The following PIGL variants were observed in gnomAD, a reference collection of about 807,000 sequenced individuals.
PIGL encodes the protein N-acetylglucosaminyl-phosphatidylinositol de-N-acetylase.
A neutral mutation model predicts 31.1 loss-of-function variants in PIGL; 22 were observed. The ratio of observed to expected loss-of-function variants is 0.71; its 90% confidence interval spans 0.51 to 1.01. The LOEUF (loss-of-function observed/expected upper bound fraction) is 1.01. Among genes scored for constraint, PIGL ranks in the 50% least tolerant of loss-of-function variants. The probability of loss-of-function intolerance (pLI) is 0.00; values close to 1 mark genes in which losing one functional copy is unlikely to be tolerated. For missense variants in PIGL, 302 were observed against 315.9 expected, an observed-to-expected ratio of 0.96 and a Z score of 0.33; for synonymous variants, 131 against 117.4, an observed-to-expected ratio of 1.12 and a Z score of -0.75.
rs762056517 is a variant in PIGL, at chr17:16,217,264, T to C, written c.38T>C (p.Val13Ala). The change falls in exon 1 of 7, where the codon GTC (valine) becomes GCC (alanine). Residue 13 changes from valine (V) to alanine (A), a missense_variant. Val to Ala is a moderately conservative substitution (Grantham distance 64). Transcript: ENST00000225609. Reference sequence around the variant, plus strand: ...TGGCTCCTGTGTGTGGCGTTGGCGGTCTTGGCATGGGGCTTCCTCTGGGTT... The same window carrying C: ...TGGCTCCTGTGTGTGGCGTTGGCGGCCTTGGCATGGGGCTTCCTCTGGGTT... ...AMWLLCVALA[V>A]LAWGFLWVWD... 5 of 1,614,052 alleles carry C rather than the reference T, an allele frequency of 3.1e-6. No individual in the cohort carries two copies. Among genetic ancestry groups the C allele is most frequent in the Non-Finnish European group, 4.2e-6 (5 of 1,179,994 alleles).
At chr17:16,297,828 A>G (rs889867027) in intron 2 of PIGL, among the ~76,000 whole-genome samples, 5 of 152,118 alleles carry the variant, frequency 3.3e-5, no homozygotes, top group Non-Finnish European at 7.3e-5. Context: ...TCTGTAGAAA[A>G]CACCCTAAAG....
intron 3 of PIGL, among the ~76,000 whole-genome samples, chr17:16,311,820 T>A (rs527366749): frequency 6.6e-6 from 1 of 152,304 alleles, no homozygotes; most frequent in African/African-American, 2.4e-5. Context: ...AGAATTTTTC[T>A]TAGTACAGAA....
At chr17:16,237,623 A>G (rs1349571795) in intron 2 of PIGL, among the ~76,000 whole-genome samples, 1 of 150,986 alleles carries the variant, frequency 6.6e-6, no homozygotes, top group Non-Finnish European at 1.5e-5. Context: ...CAACGTGGTG[A>G]AACCCCGTCT....
intron 1 of PIGL, among the ~76,000 whole-genome samples, chr17:16,219,469 TTTC>T (rs2092615979): frequency 6.6e-6 from 1 of 152,216 alleles, no homozygotes; most frequent in African/African-American, 2.4e-5. Context: ...CCCAAGCACT[TTTC>T]TTCTAAAATT....
chr17:16,266,902 T>A (rs1453217404), intron 2 of PIGL, among the ~76,000 whole-genome samples: 1 of 46,356 alleles, frequency 2.2e-5, no homozygotes, highest in African/African-American at 1.0e-4. Flanking sequence ...TTGCTCTTTT[T>A]TTTTGGGGGG....
At chr17:16,264,599 CATTATTATTATT>C (rs67790275) in intron 2 of PIGL, among the ~76,000 whole-genome samples, 4,237 of 143,990 alleles carry the variant, frequency 0.029, 108 homozygotes, top group South Asian at 0.057. Context: ...AACACATCGT[CATTATTATTATT>C]ATTATTATTA....
chr17:16,304,482 G>T (rs1325461098), intron 3 of PIGL, among the ~76,000 whole-genome samples: 1 of 152,216 alleles, frequency 6.6e-6, no homozygotes, highest in East Asian at 1.9e-4. Flanking sequence ...AGCTGGGTGG[G>T]TGCAATGGCT....
chr17:16,297,233 A>G (rs979690858), intron 2 of PIGL, among the ~76,000 whole-genome samples: 2 of 152,158 alleles, frequency 1.3e-5, no homozygotes, highest in Non-Finnish European at 1.5e-5. Context: ...TCCCTAAATG[A>G]TTGGCCTCAC....
At chr17:16,312,587 T>G (rs1388384225) in intron 3 of PIGL, 1 of 165,632 alleles carries the variant, frequency 6.0e-6, no homozygotes, top group East Asian at 1.9e-4. Flanking sequence ...AGGTGGAGGT[T>G]GTAGCTAGCC....
intron 2 of PIGL, among the ~76,000 whole-genome samples, chr17:16,263,492 T>TG (rs1331503116): frequency 2.0e-5 from 3 of 151,092 alleles, no homozygotes; most frequent in African/African-American, 7.4e-5. Context: ...TTTGTTTTAT[T>TG]GGTTTTTTTT....
At chr17:16,248,099 G>C (rs568724737) in intron 2 of PIGL, among the ~76,000 whole-genome samples, 7 of 152,222 alleles carry the variant, frequency 4.6e-5, no homozygotes, top group African/African-American at 1.4e-4. Flanking sequence ...TGTTGGTCAG[G>C]CTGGTCCTGA....
intron 1 of PIGL, among the ~76,000 whole-genome samples, chr17:16,219,284 TCTC>T (rs1008355496): frequency 1.3e-5 from 2 of 151,708 alleles, no homozygotes; most frequent in Non-Finnish European, 2.9e-5. Context: ...ATGGTCTTGA[TCTC>T]CTGAACTTTT....
At chr17:16,302,802 G>GC (rs2093010506) in intron 3 of PIGL, among the ~76,000 whole-genome samples, 1 of 4,120 alleles carries the variant, frequency 2.4e-4, no homozygotes, top group South Asian at 3.8e-3. Flanking sequence ...GTTTCACCAT[G>GC]TTGCCAGGAT....
At position 16,237,805 on chromosome 17, in the gene PIGL, C is replaced by CAAA. The variant is rs57265734; in HGVS notation, c.335+3753_335+3755dup. Among the ~76,000 whole-genome samples, 290 of 101,702 alleles carry CAAA rather than the reference C, an allele frequency of 2.9e-3. 2 individuals are homozygous for CAAA. Among genetic ancestry groups the CAAA allele is most frequent in the East Asian group, 0.025 (62 of 2,438 alleles). The allele number at this position is 101,702 out of a possible 152,430, so 66.7% of individuals were successfully genotyped here. ...ACAGAGTGAGATCCTGTCTCAAAAG[C>CAAA]AAAAAAAAAAAAAAAAAAAATTGAA... On this transcript the variant is annotated intron_variant, in intron 2 of 6. Transcript: ENST00000225609.
chr17:16,293,340 C>T (rs945062399), intron 2 of PIGL, among the ~76,000 whole-genome samples: 4 of 152,292 alleles, frequency 2.6e-5, no homozygotes, highest in South Asian at 2.1e-4. Context: ...CTGGCTAACA[C>T]GGTGAAACCC....
At chr17:16,289,922 G>A (rs185557074) in intron 2 of PIGL, among the ~76,000 whole-genome samples, 9 of 150,454 alleles carry the variant, frequency 6.0e-5, no homozygotes, top group Admixed American at 2.0e-4. Context: ...GATTACAGGC[G>A]CCCACCACTA....
intron 1 of PIGL, among the ~76,000 whole-genome samples, chr17:16,222,550 G>A (rs936303815): frequency 2.6e-5 from 4 of 152,096 alleles, no homozygotes; most frequent in Admixed American, 1.3e-4. Flanking sequence ...GAAGTGACCA[G>A]CTACAGTGTA....
At position 16,217,458 on chromosome 17, in the gene PIGL, G is replaced by A. The variant is rs763218714; in HGVS notation, c.232G>A (p.Ala78Thr). Residue 78 changes from alanine to threonine, a missense_variant, in exon 1 of 7, where the codon GCA becomes ACA. Transcript: ENST00000225609. ...RHWVYLLCFS[A>T]GNYYNQGETR... ...CTGGGTGTACCTGCTTTGCTTCTCT[G>A]CAGGTAGGAGGCCATAGGAGGGGCG... 4 of 1,612,686 alleles carry A rather than the reference G, an allele frequency of 2.5e-6. No individual in the cohort carries two copies. In the South Asian group the frequency reaches 4.4e-5, roughly 18 times the overall value.
At chr17:16,279,460 G>C (rs566279224) in intron 2 of PIGL, among the ~76,000 whole-genome samples, 2 of 152,158 alleles carry the variant, frequency 1.3e-5, no homozygotes, top group African/African-American at 4.8e-5. Context: ...TGCCTGCAAG[G>C]CCAATGAGAC....
Sources: gnomAD v4.1 joint callset for allele counts (sites outside exome capture counted in the v4.1 genomes callset) on GRCh38, gnomAD v4.1.1 for gene constraint, MANE v1.5 for transcripts, NCBI Gene and HGNC (gene_info 2026-07-23, HGNC 2026-07-21) for gene names.